ACACA: variants seen among roughly 807,000 people sequenced by gnomAD.
ACACA encodes acetyl-CoA carboxylase 1.
ACACA carries 103 observed loss-of-function variants against 296.1 expected under a neutral mutation model. That is an observed-to-expected ratio of 0.35 (90% CI 0.30 to 0.41). The LOEUF (loss-of-function observed/expected upper bound fraction) is 0.41, where lower values mean the gene tolerates loss of function less well. ACACA is among the 10% of genes least tolerant of loss of function. The pLI, the probability that ACACA is intolerant of heterozygous loss-of-function variation, is 1.00. For synonymous variants in ACACA, 953 were observed against 1,038.6 expected (o/e 0.92, Z 1.58); for missense variants, 1,554 against 2,989.7 (o/e 0.52, Z 11.20).
intron 51 of ACACA, among the ~76,000 whole-genome samples, 165 bp from the exon 52 acceptor site, chr17:37,111,808 G>C (rs1311069905): frequency 6.6e-6 from 1 of 152,156 alleles, no homozygotes; most frequent in Non-Finnish European, 1.5e-5. Flanking sequence ...GTAGGCACCA[G>C]AGAAGTGTCT....
chr17:37,355,885 G>C (rs1228541003), intron 1 of ACACA, among the ~76,000 whole-genome samples: 1 of 150,280 alleles, frequency 6.7e-6, no homozygotes, highest in Non-Finnish European at 1.5e-5. Context: ...AAATAAAATG[G>C]AGGCCAGATG....
intron 35 of ACACA, among the ~76,000 whole-genome samples, chr17:37,193,632 AT>A (rs1235056930): frequency 6.6e-6 from 1 of 152,120 alleles, no homozygotes; most frequent in Non-Finnish European, 1.5e-5. Context: ...TATAAACCTA[AT>A]TTTAGTATCT....
intron 35 of ACACA, among the ~76,000 whole-genome samples, chr17:37,199,825 T>TA (rs10562354): frequency 0.13 from 19,878 of 147,698 alleles, 1,880 homozygotes; most frequent in East Asian, 0.45. Context: ...ATTATAGGGT[T>TA]AAAAAAAAAA....
intron 42 of ACACA, among the ~76,000 whole-genome samples, chr17:37,160,970 T>C (rs1161756428): frequency 6.6e-6 from 1 of 151,768 alleles, no homozygotes; most frequent in Non-Finnish European, 1.5e-5. Context: ...TTATGGGGAA[T>C]GAGAGGCTGA....
chr17:37,285,088 G>A (rs2146614629), intron 3 of ACACA, 118 bp from the exon 4 acceptor site: 3 of 1,133,484 alleles, frequency 2.6e-6, no homozygotes, highest in Non-Finnish European at 3.9e-6. Flanking sequence ...CATGCTGGCA[G>A]GTCACGTACT....
At chr17:37,235,322 G>C (rs1371377228) in intron 24 of ACACA, among the ~76,000 whole-genome samples, 1 of 152,030 alleles carries the variant, frequency 6.6e-6, no homozygotes, top group Non-Finnish European at 1.5e-5. Context: ...TCAAGGCCTA[G>C]TTCTATTAGC....
intron 28 of ACACA, among the ~76,000 whole-genome samples, chr17:37,222,484 T>G: frequency 6.6e-6 from 1 of 151,962 alleles, no homozygotes; most frequent in South Asian, 2.1e-4. Context: ...AAATATAAAT[T>G]AAAAAAAGAA....
At chr17:37,357,130 C>T (rs1026531896) in intron 1 of ACACA, among the ~76,000 whole-genome samples, 12 of 152,198 alleles carry the variant, frequency 7.9e-5, no homozygotes, top group Non-Finnish European at 1.6e-4. Flanking sequence ...GCCACCATTT[C>T]CCAAGACTTC....
In ACACA at chr17:37,229,326, C is replaced by T. The variant is rs377128412; in HGVS notation, c.3247-2874G>A. On this transcript the variant is annotated intron_variant, in intron 25 of 55. Coordinates refer to ENST00000616317, the MANE Select transcript of ACACA (RefSeq NM_198834.3). ...GTTCTGTTTTGTTTTGTTTTTAAGACGGAGTCTCTCTCTGTTCCGCAGGCT... is the reference window on the plus strand; with the variant it reads ...GTTCTGTTTTGTTTTGTTTTTAAGATGGAGTCTCTCTCTGTTCCGCAGGCT... Among the ~76,000 whole-genome samples, 7 of 151,898 alleles carry T rather than the reference C, an allele frequency of 4.6e-5. No homozygotes were observed. In the East Asian group the frequency reaches 9.8e-4, roughly 21 times the overall value.
chr17:37,207,661 C>A lies in ACACA; in HGVS notation c.3847G>T (p.Val1283Phe). 6.2e-7 allele frequency: 1 copy of A among 1,613,920 alleles called. No homozygotes were observed. Among genetic ancestry groups the A allele is most frequent in the East Asian group, 2.2e-5 (1 of 44,882 alleles). ...CATAGTTCCACAATGTCTTACCTGA[C>A]AAAATCTTCAAAAGTCCGAAAAGAG... Reference protein sequence around the residue: ...MVSFRTFEDFVRIFDEVMGCF... With the variant: ...MVSFRTFEDFFRIFDEVMGCF... The change falls in exon 31 of 56, where the codon GTC becomes TTC. Residue 1283 changes from valine to phenylalanine, a missense_variant. Physicochemically the swap from Val to Phe is conservative, Grantham distance 50. This residue lies in a region of ACACA where 179 missense variants were observed against 283.2 expected (regional missense o/e 0.63). Transcript: ENST00000616317.
rs543736569 is a variant in ACACA, at chr17:37,228,498, G to T, written c.3247-2046C>A. Reference sequence around the variant, plus strand: ...ATCCTAGGCATAAAAGCAAACAGGAGAAAGGAAATGCAAGTAAGTCTCACC... The same window carrying T: ...ATCCTAGGCATAAAAGCAAACAGGATAAAGGAAATGCAAGTAAGTCTCACC... On this transcript the variant is annotated intron_variant, in intron 25 of 55. Transcript: ENST00000616317. Among the ~76,000 whole-genome samples the T allele has an allele frequency of 3.0e-4, 45 of 152,196 alleles. No homozygotes were observed. The South Asian group carries it at 4.2e-3, about 14-fold the overall frequency.
At chr17:37,210,832 T>C (rs1175941533) in intron 29 of ACACA, among the ~76,000 whole-genome samples, 1 of 150,780 alleles carries the variant, frequency 6.6e-6, no homozygotes, top group Non-Finnish European at 1.5e-5. Flanking sequence ...CTATATGATA[T>C]GGTATATTAA....
In ACACA at chr17:37,333,525, G is replaced by A. The variant is rs750223830; in HGVS notation, c.86-3100C>T. ...GAAGAAATAGAATGGGGAACCTCACGGGGACATAGTTTCCTCCCCTCAGGA... is the reference window on the plus strand; with the variant it reads ...GAAGAAATAGAATGGGGAACCTCACAGGGACATAGTTTCCTCCCCTCAGGA... On this transcript the variant is annotated intron_variant, in intron 2 of 55. Coordinates refer to ENST00000616317, the MANE Select transcript of ACACA (RefSeq NM_198834.3). Among the ~76,000 whole-genome samples, 14 of 152,080 alleles carry A rather than the reference G, an allele frequency of 9.2e-5. 1 individual carries two copies. The highest frequency in any genetic ancestry group is 6.8e-3 in the Middle Eastern group (2 of 294).
At chr17:37,329,260 T>C (rs1473830616) in intron 3 of ACACA, among the ~76,000 whole-genome samples, 1 of 152,188 alleles carries the variant, frequency 6.6e-6, no homozygotes, top group Admixed American at 6.5e-5. Context: ...ATCATCAAGA[T>C]AGTTAGAACA....
intron 1 of ACACA, among the ~76,000 whole-genome samples, chr17:37,401,478 G>A (rs1597809930): frequency 6.6e-6 from 1 of 151,746 alleles, no homozygotes; most frequent in Middle Eastern, 3.4e-3. Context: ...CTTCTTTTGA[G>A]CAATGTCTTT....
At chr17:37,303,537 A>G (rs2083728916) in intron 3 of ACACA, among the ~76,000 whole-genome samples, 1 of 152,178 alleles carries the variant, frequency 6.6e-6, no homozygotes, top group East Asian at 1.9e-4. Context: ...CATATGGTTC[A>G]TATGGTGAGA....
At chr17:37,151,236 G>C in intron 44 of ACACA, 65 bp downstream of exon 44, 2 of 1,598,218 alleles carry the variant, frequency 1.3e-6, no homozygotes, top group South Asian at 2.2e-5. Context: ...GCAGTGATAA[G>C]AGAAAAAAAT....
chr17:37,188,289 G>A lies in ACACA; in HGVS notation c.4764C>T (p.Ser1588=). The change falls in exon 39 of 56, where the codon TCC becomes TCT. Residue 1588 remains serine, a synonymous_variant. Transcript: ENST00000616317. ...DISLYKEVTD[S]RTAQIMFQAY... The stretch of plus-strand genomic sequence containing the variant: ...TTGAGTATTGTACCTGTGCTGTCCT[G>A]GAGTCAGTCACTTCCTTGTATAGGC... 1.2e-6 allele frequency: 2 copies of A among 1,613,950 alleles called. No individual in the cohort carries two copies. Among genetic ancestry groups the A allele is most frequent in the Non-Finnish European group, 1.7e-6 (2 of 1,179,954 alleles).
intron 1 of ACACA, among the ~76,000 whole-genome samples, chr17:37,398,506 A>G (rs1487358261): frequency 7.1e-6 from 1 of 140,060 alleles, no homozygotes; most frequent in African/African-American, 2.7e-5. Flanking sequence ...GGCTGTCTCG[A>G]ACTCCTGACC....
Sources: allele counts gnomAD v4.1 joint callset (sites outside exome capture counted in the v4.1 genomes callset), GRCh38; gene constraint gnomAD v4.1.1; regional missense constraint gnomAD v4.1.1; transcripts MANE v1.5; gene names NCBI Gene and HGNC (gene_info 2026-07-23, HGNC 2026-07-21).